The following ALPK2 variants were observed in gnomAD, a reference collection of about 807,000 sequenced individuals.
ALPK2 encodes the protein alpha-protein kinase 2.
A neutral mutation model predicts 163.1 loss-of-function variants in ALPK2; 127 were observed. That is an observed-to-expected ratio of 0.78 (90% CI 0.67 to 0.90). ALPK2 has a LOEUF of 0.90. Among genes scored for constraint, ALPK2 ranks in the 40% least tolerant of loss-of-function variants. The pLI is 0.00. For missense variants in ALPK2, 2,360 were observed against 2,589.6 expected, an observed-to-expected ratio of 0.91 and a Z score of 1.92; for synonymous variants, 953 against 959.1, an observed-to-expected ratio of 0.99 and a Z score of 0.12.
At chr18:58,616,858 C>T (rs1392627917) in intron 1 of ALPK2, among the ~76,000 whole-genome samples, 1 of 152,098 alleles carries the variant, frequency 6.6e-6, no homozygotes, top group Non-Finnish European at 1.5e-5. Flanking sequence ...TGAAGCCAGT[C>T]AGTCAGAAGT....
chr18:58,547,293 A>G (rs1197211351), intron 4 of ALPK2, among the ~76,000 whole-genome samples: 1 of 152,168 alleles, frequency 6.6e-6, no homozygotes, highest in Non-Finnish European at 1.5e-5. Context: ...GTTAGGGAAA[A>G]GGATACAGCA....
chr18:58,529,604 C>T (rs1274162702), intron 5 of ALPK2, among the ~76,000 whole-genome samples: 3 of 152,068 alleles, frequency 2.0e-5, no homozygotes, highest in South Asian at 4.1e-4. Flanking sequence ...TCATCCAGGT[C>T]GAAATCAGAG....
Position 58,563,174 on chromosome 18 carries a change from T to A in ALPK2, c.1962+15640A>T, listed in dbSNP as rs7244293. ...GGCTCAATTTTTTTTACAACACTCA[T>A]TTTTAGAGCCCTTGGACTTTTGAGG... On this transcript the variant is annotated intron_variant, in intron 4 of 12. Transcript: ENST00000361673. Among the ~76,000 whole-genome samples, 1,453 of 152,296 alleles carry A rather than the reference T, an allele frequency of 9.5e-3. 19 individuals are homozygous for A. Among genetic ancestry groups the A allele is most frequent in the African/African-American group, 0.032 (1,313 of 41,548 alleles).
intron 4 of ALPK2, among the ~76,000 whole-genome samples, chr18:58,577,301 A>G (rs1035785969): frequency 1.3e-5 from 2 of 152,176 alleles, no homozygotes; most frequent in African/African-American, 2.4e-5. Context: ...TCTAAAACCA[A>G]TATCGTCAGT....
At chr18:58,499,258 G>A (rs2051419036) in intron 11 of ALPK2, among the ~76,000 whole-genome samples, 1 of 152,242 alleles carries the variant, frequency 6.6e-6, no homozygotes, top group Non-Finnish European at 1.5e-5. Context: ...GCAAGCATAT[G>A]GAACCCTTTT....
chr18:58,529,294 A>G (rs2144138699), intron 5 of ALPK2, 56 bp from the exon 6 acceptor site: 3 of 1,489,964 alleles, frequency 2.0e-6, no homozygotes, highest in South Asian at 2.5e-5. Flanking sequence ...ATTTCATACC[A>G]TTTAATTCTC....
intron 10 of ALPK2, among the ~76,000 whole-genome samples, chr18:58,508,229 CA>C (rs1211730843): frequency 6.6e-6 from 1 of 151,874 alleles, no homozygotes; most frequent in East Asian, 1.9e-4. Context: ...AACAAACAAA[CA>C]ACAAAAAAAA....
At chr18:58,489,245 G>A (rs1046927965) in intron 12 of ALPK2, among the ~76,000 whole-genome samples, 4 of 152,148 alleles carry the variant, frequency 2.6e-5, no homozygotes, top group African/African-American at 7.2e-5. Flanking sequence ...AGATGCCGTC[G>A]GAGGATGTGT....
chr18:58,513,158 G>T (rs2051503102), intron 10 of ALPK2, among the ~76,000 whole-genome samples: 1 of 147,802 alleles, frequency 6.8e-6, no homozygotes, highest in Non-Finnish European at 1.5e-5. Context: ...TATGTGTGGT[G>T]TGGGGGTGTG....
intron 1 of ALPK2, among the ~76,000 whole-genome samples, chr18:58,624,773 C>T (rs554708629): frequency 6.6e-6 from 1 of 152,294 alleles, no homozygotes; most frequent in Admixed American, 6.5e-5. Flanking sequence ...TTCTTTGTTG[C>T]TTCTAGAAGG....
chr18:58,578,787 G>A (rs771615756), intron 4 of ALPK2, 27 bp downstream of exon 4: 31 of 1,339,664 alleles, frequency 2.3e-5, no homozygotes, highest in East Asian at 1.2e-4. Context: ...TTTTTATCTC[G>A]TAATTTCTTT....
chr18:58,506,629 G>A (rs775642578), intron 10 of ALPK2, among the ~76,000 whole-genome samples: 5 of 152,174 alleles, frequency 3.3e-5, no homozygotes, highest in African/African-American at 1.2e-4. Context: ...AGGGTCAGCC[G>A]TTGGGGAAGG....
At chr18:58,494,156 T>C (rs534243297) in intron 12 of ALPK2, among the ~76,000 whole-genome samples, 1 of 152,342 alleles carries the variant, frequency 6.6e-6, no homozygotes, top group Non-Finnish European at 1.5e-5. Context: ...CCTTGTGTAA[T>C]TTCCAATTAG....
At position 58,597,715 on chromosome 18, in the gene ALPK2, T is replaced by C. The variant is rs76618535; in HGVS notation, c.227+9607A>G. 2.7e-3 allele frequency among the ~76,000 whole-genome samples: 417 copies of C among 152,306 alleles called. 2 individuals are homozygous for C. The highest frequency in any genetic ancestry group is 9.8e-3 in the African/African-American group (409 of 41,558). On this transcript the variant is annotated intron_variant, in intron 3 of 12. Coordinates refer to ENST00000361673, the MANE Select transcript of ALPK2 (RefSeq NM_052947.4). ...GTATATAGCCAGAACACTTCCATAT[T>C]TGGAGCTGTGCTAGCTACTGAATTA...
Position 58,534,919 on chromosome 18 carries a change from T to C in ALPK2, c.5268A>G (p.Lys1756=), listed in dbSNP as rs1219500072. 1 of 1,614,164 alleles carries C rather than the reference T, an allele frequency of 6.2e-7. No individual in the cohort carries two copies. Among genetic ancestry groups the C allele is most frequent in the African/African-American group, 1.3e-5 (1 of 75,050 alleles). The change falls in exon 5 of 13, where the codon AAA becomes AAG. Residue 1756 remains lysine (K), a synonymous_variant. Coordinates refer to ENST00000361673, the MANE Select transcript of ALPK2 (RefSeq NM_052947.4). ...ATGATGTTTCGAGTTTGGGCATCTTTTTAAGAAAGGCTGAGTTCTTTCTGA... is the reference window on the plus strand; with the variant it reads ...ATGATGTTTCGAGTTTGGGCATCTTCTTAAGAAAGGCTGAGTTCTTTCTGA... ...ENIRKNSAFL[K]KMPKLETSLS...
chr18:58,551,802 C>T (rs2051761562), intron 4 of ALPK2, among the ~76,000 whole-genome samples: 2 of 152,216 alleles, frequency 1.3e-5, no homozygotes, highest in Admixed American at 6.5e-5. Flanking sequence ...GAATTCAGTG[C>T]AGCCAAGTCT....
At chr18:58,583,975 G>C (rs747858583) in intron 3 of ALPK2, among the ~76,000 whole-genome samples, 10 of 152,206 alleles carry the variant, frequency 6.6e-5, no homozygotes, top group Admixed American at 3.9e-4. Flanking sequence ...GAAATCAGGA[G>C]AGGTGGGGAG....
In ALPK2 at chr18:58,611,698, T is replaced by C. The variant is rs2052132221; in HGVS notation, c.100A>G (p.Ile34Val). ...PEKSDAVLRC[I>V]ISGQPKPEVT... ...GTCTAGTGATGGTTACCAGATATTA[T>C]GCAGCGAAGCACAGCGTCTGACTTC... Residue 34 changes from isoleucine to valine, a missense_variant, in exon 2 of 13, where the codon ATA (isoleucine) becomes GTA (valine). By Grantham distance (29) the Ile-to-Val change is conservative. Coordinates refer to ENST00000361673, the MANE Select transcript of ALPK2 (RefSeq NM_052947.4). 1.2e-6 allele frequency: 2 copies of C among 1,612,624 alleles called. No homozygotes were observed. Among genetic ancestry groups the C allele is most frequent in the African/African-American group, 1.3e-5 (1 of 74,818 alleles).
At chr18:58,503,325 T>C (rs1367633341) in intron 11 of ALPK2, among the ~76,000 whole-genome samples, 1 of 152,208 alleles carries the variant, frequency 6.6e-6, no homozygotes, top group African/African-American at 2.4e-5. Flanking sequence ...TTTAGGCCTA[T>C]TGAGGATAGA....
Sources: allele counts gnomAD v4.1 joint callset (sites outside exome capture counted in the v4.1 genomes callset), GRCh38; gene constraint gnomAD v4.1.1; transcripts MANE v1.5; gene names NCBI Gene and HGNC (gene_info 2026-07-23, HGNC 2026-07-21).